Variants in LYNX1 observed in about 807,000 individuals in gnomAD.
The protein encoded by LYNX1 is ly-6/neurotoxin-like protein 1.
LYNX1 carries 8 observed loss-of-function variants against 8.3 expected under a neutral mutation model. That is an observed-to-expected ratio of 0.97 (90% CI 0.57 to 1.74). The LOEUF (loss-of-function observed/expected upper bound fraction) is 1.74. LYNX1 is among the 40% of genes most tolerant of loss of function. The pLI, the probability that LYNX1 is intolerant of heterozygous loss-of-function variation, is 0.00. For synonymous variants in LYNX1, 73 were observed against 67.9 expected (o/e 1.08, Z -0.37); for missense variants, 158 against 159.7 (o/e 0.99, Z 0.06).
chr8:142,772,202 C>T lies in LYNX1; in HGVS notation c.*2965G>A, dbSNP rs974315089. 5.1e-6 allele frequency: 5 copies of T among 985,946 alleles called. No individual in the cohort carries two copies. Among genetic ancestry groups the T allele is most frequent in the Non-Finnish European group, 4.8e-6 (4 of 830,030 alleles). The allele number at this position is 985,946 out of a possible 1,614,324, so 61.1% of individuals were successfully genotyped here. ...GGCATGTCCAGGACTCAGGTCCACA[C>T]AGACAGTGGCAACAGCTAGCCCTGG... is the stretch of plus-strand genomic sequence containing the variant. On this transcript the variant is annotated 3_prime_UTR_variant, in exon 4 of 4. Transcript: ENST00000652477.
rs773082944 is a variant in LYNX1 at position 142,774,566 on chromosome 8, G to C, written c.*601C>G. The C allele has an allele frequency of 1.7e-5, 17 of 985,682 alleles. No individual in the cohort carries two copies. The highest frequency in any genetic ancestry group is 2.0e-5 in the Non-Finnish European group (17 of 830,230). The allele number at this position is 985,682 out of a possible 1,614,324, so 61.1% of individuals were successfully genotyped here. A position where few individuals can be genotyped will look rare whatever the true frequency, so the allele number is the denominator to read the frequency against. On this transcript the variant is annotated 3_prime_UTR_variant, in exon 4 of 4. Transcript: ENST00000652477. ...GGGGGCCCTGGGGCCTGCTGAGGCA[G>C]AGCCGCCCCCTCCCCTGCAGGGGGT... is the stretch of plus-strand genomic sequence containing the variant.
Position 142,772,436 on chromosome 8 carries a change from C to T in LYNX1, c.*2731G>A. ...CCTTTTAAGCTTTCCATTTTGTAAA[C>T]TCACCTCCCCCTTCCCAGGCTTGGG... On this transcript the variant is annotated 3_prime_UTR_variant, in exon 4 of 4. Coordinates refer to ENST00000652477, the MANE Select transcript of LYNX1 (RefSeq NM_177477.4). 1 of 985,516 alleles carries T rather than the reference C, an allele frequency of 1.0e-6. No homozygotes were observed. The highest frequency in any genetic ancestry group is 1.2e-6 in the Non-Finnish European group (1 of 829,968). The allele number at this position is 985,516 out of a possible 1,614,324, so 61.0% of individuals were successfully genotyped here. A position where few individuals can be genotyped will look rare whatever the true frequency, so the allele number is the denominator to read the frequency against.
rs1815391369 is a variant in LYNX1 at position 142,775,691 on chromosome 8, T to G, written c.56A>C (p.Gln19Pro). The G allele has an allele frequency of 1.3e-6, 2 of 1,594,056 alleles. No individual in the cohort carries two copies. The highest frequency in any genetic ancestry group is 4.5e-5 in the East Asian group (2 of 44,018). ...GGCACACACGTGGCAGTCCAAGGCCTGGGCTGGGGTTGGCAGATGGGCGGG... is the reference window on the plus strand; with the variant it reads ...GGCACACACGTGGCAGTCCAAGGCCGGGGCTGGGGTTGGCAGATGGGCGGG... ...LVVLMGLPLAQALDCHVCAYN... is the reference protein window; with the variant it reads ...LVVLMGLPLAPALDCHVCAYN... The change falls in exon 3 of 4, where the codon CAG becomes CCG. Residue 19 changes from glutamine to proline, a missense_variant. Transcript: ENST00000652477.
rs1043251808 is a variant in LYNX1, at chr8:142,773,318, T to C, written c.*1849A>G. ...CCTCCCAGACACCCCGGGCCGGTCC[T>C]GCTCTCCAGGCTTAGGGCTACAGCC... On this transcript the variant is annotated 3_prime_UTR_variant, in exon 4 of 4. Transcript: ENST00000652477. The C allele has an allele frequency of 6.6e-5, 65 of 985,404 alleles. No homozygotes were observed. Among genetic ancestry groups the C allele is most frequent in the Non-Finnish European group, 7.6e-5 (63 of 830,050 alleles). The allele number at this position is 985,404 out of a possible 1,614,324, so 61.0% of individuals were successfully genotyped here.
Position 142,772,349 on chromosome 8 carries a change from G to A in LYNX1, c.*2818C>T, listed in dbSNP as rs974481088. 1 of 985,484 alleles carries A rather than the reference G, an allele frequency of 1.0e-6. No homozygotes were observed. Among genetic ancestry groups the A allele is most frequent in the African/African-American group, 1.7e-5 (1 of 57,244 alleles). 61.0% of individuals were successfully genotyped at this position (985,484 alleles called of 1,614,324 possible). Reference sequence around the variant, plus strand: ...TCTGCCACTCTGCCCTGCACCCAGAGGCAGCGCTGGAGGCCTTACTCTACC... The same window carrying A: ...TCTGCCACTCTGCCCTGCACCCAGAAGCAGCGCTGGAGGCCTTACTCTACC... On this transcript the variant is annotated 3_prime_UTR_variant, in exon 4 of 4. Transcript: ENST00000652477.
chr8:142,775,031 T>C lies in LYNX1; in HGVS notation c.*136A>G. The C allele has an allele frequency of 6.9e-7, 1 of 1,445,794 alleles. No individual in the cohort carries two copies. Among genetic ancestry groups the C allele is most frequent in the South Asian group, 1.4e-5 (1 of 69,102 alleles). 89.6% of individuals were successfully genotyped at this position (1,445,794 alleles called of 1,614,324 possible). The stretch of plus-strand genomic sequence containing the variant: ...TGGTTGGGGGAGGTCGGGTGTCTTC[T>C]TGCCCACAGTCCTGACCCTGGGCAT... On this transcript the variant is annotated 3_prime_UTR_variant, in exon 4 of 4. Transcript: ENST00000652477.
At position 142,772,042 on chromosome 8, in the gene LYNX1, C is replaced by G. The variant is rs1815205276; in HGVS notation, c.*3125G>C. ...GCCAGAGCCCACCCAAGCAGCCACT[C>G]CTGTCCAGTTCCCAGAATGTATAAC... On this transcript the variant is annotated 3_prime_UTR_variant, in exon 4 of 4. Coordinates refer to ENST00000652477, the MANE Select transcript of LYNX1 (RefSeq NM_177477.4). 1 of 986,140 alleles carries G rather than the reference C, an allele frequency of 1.0e-6. No homozygotes were observed. Among genetic ancestry groups the G allele is most frequent in the Admixed American group, 6.2e-5 (1 of 16,248 alleles). The allele number at this position is 986,140 out of a possible 1,614,324, so 61.1% of individuals were successfully genotyped here.
Position 142,771,242 on chromosome 8 carries a change from C to G in LYNX1, c.*3925G>C. 1 of 985,454 alleles carries G rather than the reference C, an allele frequency of 1.0e-6. No homozygotes were observed. Among genetic ancestry groups the G allele is most frequent in the African/African-American group, 1.7e-5 (1 of 57,338 alleles). The allele number at this position is 985,454 out of a possible 1,614,324, so 61.0% of individuals were successfully genotyped here. ...TTATTTACGGCTCGGTGAGACGACG[C>G]TGGACGCTGGTTAGGGTAAGGGTTA... On this transcript the variant is annotated 3_prime_UTR_variant, in exon 4 of 4. Coordinates refer to ENST00000652477, the MANE Select transcript of LYNX1 (RefSeq NM_177477.4).
In LYNX1 at chr8:142,773,365, G is replaced by A. The variant is rs1417785301; in HGVS notation, c.*1802C>T. On this transcript the variant is annotated 3_prime_UTR_variant, in exon 4 of 4. Coordinates refer to ENST00000652477, the MANE Select transcript of LYNX1 (RefSeq NM_177477.4). ...AGCCACAACCACTGGGGGTAGGGGCGAGGGGAGTCCAGGCCCACCCTGTGC... is the reference window on the plus strand; with the variant it reads ...AGCCACAACCACTGGGGGTAGGGGCAAGGGGAGTCCAGGCCCACCCTGTGC... The A allele has an allele frequency of 2.5e-5, 25 of 985,912 alleles. No homozygotes were observed. The highest frequency in any genetic ancestry group is 5.2e-4 in the Middle Eastern group (1 of 1,920). 61.1% of individuals were successfully genotyped at this position (985,912 alleles called of 1,614,324 possible).
At chr8:142,777,703 G>A (rs1471693379), upstream of LYNX1, 1 of 397,392 alleles carries the variant, frequency 2.5e-6, no homozygotes, top group Admixed American at 4.4e-5. Context: ...CCAGGCATCT[G>A]GATCTCCGAC....
In LYNX1 at chr8:142,774,988, C is replaced by T. The variant is rs887874112; in HGVS notation, c.*179G>A. On this transcript the variant is annotated 3_prime_UTR_variant, in exon 4 of 4. Coordinates refer to ENST00000652477, the MANE Select transcript of LYNX1 (RefSeq NM_177477.4). ...ACACAGCATCGAAAGGTCAAGGCCT[C>T]GAAGTGAGGTCGTGTGGTGGTTGGG... is the stretch of plus-strand genomic sequence containing the variant. The T allele has an allele frequency of 3.0e-5, 43 of 1,434,616 alleles. No individual in the cohort carries two copies. Among genetic ancestry groups the T allele is most frequent in the Middle Eastern group, 2.6e-4 (1 of 3,914 alleles). 88.9% of individuals were successfully genotyped at this position (1,434,616 alleles called of 1,614,324 possible). A position where few individuals can be genotyped will look rare whatever the true frequency, so the allele number is the denominator to read the frequency against.
rs1587613229 is a variant in LYNX1, at chr8:142,773,936, A to T, written c.*1231T>A. On this transcript the variant is annotated 3_prime_UTR_variant, in exon 4 of 4. Transcript: ENST00000652477. ...CGAATGCCCCATTCACAGCAGGGGC[A>T]GGTGCTCCCTGGGCTACCTGCATCG... 1 of 985,404 alleles carries T rather than the reference A, an allele frequency of 1.0e-6. No individual in the cohort carries two copies. The highest frequency in any genetic ancestry group is 1.2e-6 in the Non-Finnish European group (1 of 829,914). 61.0% of individuals were successfully genotyped at this position (985,404 alleles called of 1,614,324 possible). A position where few individuals can be genotyped will look rare whatever the true frequency, so the allele number is the denominator to read the frequency against.
upstream of LYNX1, chr8:142,777,656 C>T (rs1317721351): frequency 7.6e-6 from 3 of 396,124 alleles, no homozygotes; most frequent in African/African-American, 4.1e-5. Context: ...CCCGGACCGC[C>T]GGCTCGCCGG....
In LYNX1 at chr8:142,775,348, C is replaced by G; in HGVS notation, c.170G>C (p.Arg57Thr). 1.9e-6 allele frequency: 3 copies of G among 1,613,670 alleles called. No homozygotes were observed. The highest frequency in any genetic ancestry group is 1.7e-6 in the Non-Finnish European group (2 of 1,179,936). ...CACGCAGGACTTACTGACCTTCATC[C>G]TGGTGGGGGTGTAGTCTGCAGAGGG... ...MTTRTYYTPT[R>T]MKVSKSCVPR... The change falls in exon 4 of 4, where the codon AGG becomes ACG. Residue 57 changes from arginine (R) to threonine (T), a missense_variant. By Grantham distance (71) the Arg-to-Thr change is moderately conservative. Coordinates refer to ENST00000652477, the MANE Select transcript of LYNX1 (RefSeq NM_177477.4).
chr8:142,771,375 C>A lies in LYNX1; in HGVS notation c.*3792G>T, dbSNP rs1815169460. On this transcript the variant is annotated 3_prime_UTR_variant, in exon 4 of 4. Transcript: ENST00000652477. ...TTCAGCGGGCACTTATGCCCACGAC[C>A]AGCTGAGCCAGACCAGCATTCCCAT... is the stretch of plus-strand genomic sequence containing the variant. 1.0e-6 allele frequency: 1 copy of A among 985,582 alleles called. No homozygotes were observed. The highest frequency in any genetic ancestry group is 1.2e-6 in the Non-Finnish European group (1 of 830,020). 61.1% of individuals were successfully genotyped at this position (985,582 alleles called of 1,614,324 possible).
At position 142,771,268 on chromosome 8, in the gene LYNX1, G is replaced by C. The variant is rs1447113564; in HGVS notation, c.*3899C>G. 1 of 985,522 alleles carries C rather than the reference G, an allele frequency of 1.0e-6. No homozygotes were observed. Among genetic ancestry groups the C allele is most frequent in the Non-Finnish European group, 1.2e-6 (1 of 830,000 alleles). The allele number at this position is 985,522 out of a possible 1,614,324, so 61.0% of individuals were successfully genotyped here. A position where few individuals can be genotyped will look rare whatever the true frequency, so the allele number is the denominator to read the frequency against. On this transcript the variant is annotated 3_prime_UTR_variant, in exon 4 of 4. Coordinates refer to ENST00000652477, the MANE Select transcript of LYNX1 (RefSeq NM_177477.4). ...TGGACGCTGGTTAGGGTAAGGGTTA[G>C]GGCAAGCATTAGCAGCAGGGGCATG...
At position 142,775,296 on chromosome 8, in the gene LYNX1, A is replaced by G; in HGVS notation, c.222T>C (p.Asp74=). 1 of 1,614,044 alleles carries G rather than the reference A, an allele frequency of 6.2e-7. No homozygotes were observed. Among genetic ancestry groups the G allele is most frequent in the Non-Finnish European group, 8.5e-7 (1 of 1,180,010 alleles). ...TGGTGGACGCGTGCTTGGAGTAGCC[A>G]TCATACACAGTCTCGAAGCAGCGGG... ...CVPRCFETVY[D]GYSKHASTTS... Residue 74 remains aspartate, a synonymous_variant, in exon 4 of 4, where the codon GAT becomes GAC. Coordinates refer to ENST00000652477, the MANE Select transcript of LYNX1 (RefSeq NM_177477.4).
Position 142,772,386 on chromosome 8 carries a change from C to T in LYNX1, c.*2781G>A, listed in dbSNP as rs1351933944. 12 of 985,524 alleles carry T rather than the reference C, an allele frequency of 1.2e-5. No homozygotes were observed. Among genetic ancestry groups the T allele is most frequent in the Non-Finnish European group, 1.3e-5 (11 of 829,976 alleles). The allele number at this position is 985,524 out of a possible 1,614,324, so 61.0% of individuals were successfully genotyped here. ...GGCCTTACTCTACCACTCAGGGCTT[C>T]TCAAACCTCTGGTTCCACTTTTCTC... is the stretch of plus-strand genomic sequence containing the variant. On this transcript the variant is annotated 3_prime_UTR_variant, in exon 4 of 4. Coordinates refer to ENST00000652477, the MANE Select transcript of LYNX1 (RefSeq NM_177477.4).
chr8:142,775,762 A>G (rs1042689416), intron 2 of LYNX1, 68 bp from the exon 3 acceptor site: 17 of 1,538,536 alleles, frequency 1.1e-5, no homozygotes, highest in African/African-American at 1.4e-5. Context: ...CCTCCAGCCC[A>G]TCAGGCCCCC....
Sources: allele counts gnomAD v4.1 joint callset, GRCh38; gene constraint gnomAD v4.1.1; transcripts MANE v1.5; gene names NCBI Gene and HGNC (gene_info 2026-07-23, HGNC 2026-07-21).